ADAMTS17: variants seen among roughly 807,000 people sequenced by gnomAD.
The protein encoded by ADAMTS17 is ADAM metallopeptidase with thrombospondin type 1 motif 17.
A neutral mutation model predicts 141.5 loss-of-function variants in ADAMTS17; 113 were observed. The observed-to-expected ratio is 0.80, with a 90% CI of 0.69 to 0.93. ADAMTS17 has a LOEUF of 0.93. Among genes scored for constraint, ADAMTS17 ranks in the 40% least tolerant of loss-of-function variants. ADAMTS17 has a pLI of 0.00. For synonymous variants in ADAMTS17, 768 were observed against 630.6 expected (o/e 1.22, Z -3.27); for missense variants, 1,659 against 1,517.9 (o/e 1.09, Z -1.54).
intron 12 of ADAMTS17, among the ~76,000 whole-genome samples, chr15:100,120,191 G>A (rs1413957728): frequency 6.6e-6 from 1 of 152,164 alleles, no homozygotes. Context: ...AATCACACTG[G>A]CAAAAACTAC....
At chr15:100,048,043 G>A (rs1214873974) in intron 18 of ADAMTS17, among the ~76,000 whole-genome samples, 2 of 152,134 alleles carry the variant, frequency 1.3e-5, no homozygotes, top group East Asian at 1.9e-4. Context: ...AAGGGGGTCG[G>A]TGCAAAAGCC....
rs543729005 is a variant in ADAMTS17 at position 100,163,674 on chromosome 15, T to C, written c.1182-8354A>G. On this transcript the variant is annotated intron_variant, in intron 8 of 21. Coordinates refer to ENST00000268070, the MANE Select transcript of ADAMTS17 (RefSeq NM_139057.4). ...CTAGTGAAGTTTAAATTCTATCTGA[T>C]GCTCTAAGAAATGGCTGCTGTTTCC... Among the ~76,000 whole-genome samples, 48 of 152,284 alleles carry C rather than the reference T, an allele frequency of 3.2e-4. 1 individual carries two copies. In the South Asian group the frequency reaches 9.7e-3, roughly 31 times the overall value.
rs187142685 is a variant in ADAMTS17, at chr15:100,008,292, G to A, written c.2592-10703C>T. Among the ~76,000 whole-genome samples the A allele has an allele frequency of 2.6e-5, 4 of 152,230 alleles. No homozygotes were observed. In the East Asian group the frequency reaches 7.7e-4, roughly 29 times the overall value. On this transcript the variant is annotated intron_variant, in intron 18 of 21. Coordinates refer to ENST00000268070, the MANE Select transcript of ADAMTS17 (RefSeq NM_139057.4). ...CCTCTGGCCTAGTGTACTGTGTGAG[G>A]AAGAGGAGAGGACAAGGGGATTTCT...
chr15:100,341,699 CCTCCG>C, intron 1 of ADAMTS17, 117 bp downstream of exon 1: 1 of 1,292,852 alleles, frequency 7.7e-7, no homozygotes, highest in Non-Finnish European at 1.0e-6. Context: ...GCCCGCGCCT[CCTCCG>C]CTCGGGCGCC....
chr15:100,110,196 T>TAC (rs529036262), intron 13 of ADAMTS17, among the ~76,000 whole-genome samples: 4,200 of 143,264 alleles, frequency 0.029, 223 homozygotes, highest in African/African-American at 0.11. Flanking sequence ...TATACTGATA[T>TAC]ATATATATCA....
intron 19 of ADAMTS17, among the ~76,000 whole-genome samples, chr15:99,994,742 T>G (rs1023904478): frequency 2.0e-5 from 3 of 152,158 alleles, no homozygotes; most frequent in African/African-American, 7.2e-5. Flanking sequence ...AATTTTTGTA[T>G]TTTTAGTAGA....
At chr15:100,229,799 G>C (rs1567394622) in intron 7 of ADAMTS17, among the ~76,000 whole-genome samples, 1 of 152,214 alleles carries the variant, frequency 6.6e-6, no homozygotes, top group Non-Finnish European at 1.5e-5. Context: ...TGTAGACAGA[G>C]AACGCAAGGG....
chr15:100,206,631 T>C (rs552363982), intron 7 of ADAMTS17, among the ~76,000 whole-genome samples: 44 of 152,022 alleles, frequency 2.9e-4, no homozygotes, highest in African/African-American at 9.6e-4. Context: ...AAAGCTGGGG[T>C]TTTAGGTGGG....
intron 3 of ADAMTS17, among the ~76,000 whole-genome samples, chr15:100,297,870 G>A (rs1476000171): frequency 6.6e-6 from 1 of 152,138 alleles, no homozygotes; most frequent in African/African-American, 2.4e-5. Context: ...ACACTACAGA[G>A]ACAGAGACAA....
chr15:100,164,849 C>T (rs2039884637), intron 8 of ADAMTS17, among the ~76,000 whole-genome samples: 1 of 152,196 alleles, frequency 6.6e-6, no homozygotes, highest in Non-Finnish European at 1.5e-5. Flanking sequence ...GCCCACTGTT[C>T]TTGGTAAGTG....
At chr15:100,041,838 GA>G (rs1274539938) in intron 18 of ADAMTS17, among the ~76,000 whole-genome samples, 1 of 152,100 alleles carries the variant, frequency 6.6e-6, no homozygotes, top group Non-Finnish European at 1.5e-5. Flanking sequence ...GAACTCAATG[GA>G]AAAAGGGTTG....
chr15:99,979,123 G>C (rs1179864292), intron 20 of ADAMTS17: 1 of 152,310 alleles, frequency 6.6e-6, no homozygotes, highest in Non-Finnish European at 1.5e-5. Flanking sequence ...AGGTGCGGTG[G>C]CTCACGCCTG....
At chr15:100,180,286 A>G (rs544993194) in intron 8 of ADAMTS17, among the ~76,000 whole-genome samples, 85 of 152,234 alleles carry the variant, frequency 5.6e-4, no homozygotes, top group African/African-American at 1.4e-3. Context: ...CCTTTCCCCA[A>G]CGTATGTTCT....
At chr15:100,249,782 C>T (rs562096332) in intron 7 of ADAMTS17, among the ~76,000 whole-genome samples, 75 of 152,292 alleles carry the variant, frequency 4.9e-4, no homozygotes, top group African/African-American at 1.7e-3. Context: ...AACCTCGCAG[C>T]GCCTCAGAGT....
intron 15 of ADAMTS17, among the ~76,000 whole-genome samples, chr15:100,078,868 C>G (rs56745742): frequency 6.6e-6 from 1 of 152,090 alleles, no homozygotes; most frequent in Non-Finnish European, 1.5e-5. Context: ...TGCAGCTCGA[C>G]AAGAAAATGA....
intron 18 of ADAMTS17, among the ~76,000 whole-genome samples, chr15:100,001,994 CAAAAAAAAAA>C (rs71151931): frequency 1.7e-5 from 1 of 58,384 alleles, no homozygotes; most frequent in African/African-American, 6.1e-5. Flanking sequence ...AGGCCAAACC[CAAAAAAAAAA>C]AAAAAAAAAA....
At chr15:100,307,155 A>G (rs11247185) in intron 3 of ADAMTS17, among the ~76,000 whole-genome samples, 76,296 of 152,096 alleles carry the variant, frequency 0.5, 19,409 homozygotes, top group South Asian at 0.64. Flanking sequence ...GGACCACACC[A>G]AACCAATGAA....
chr15:100,119,124 G>C (rs3943259), intron 12 of ADAMTS17, among the ~76,000 whole-genome samples: 49,689 of 151,260 alleles, frequency 0.33, 9,336 homozygotes, highest in East Asian at 0.52. Context: ...CAGAAGCTGA[G>C]AGAGAGGCCT....
At chr15:100,295,677 T>C (rs2044784182) in intron 3 of ADAMTS17, among the ~76,000 whole-genome samples, 1 of 152,208 alleles carries the variant, frequency 6.6e-6, no homozygotes, top group South Asian at 2.1e-4. Flanking sequence ...TCTCCTGGGT[T>C]ATATCAGCTT....
Sources: allele counts gnomAD v4.1 joint callset (sites outside exome capture counted in the v4.1 genomes callset), GRCh38; gene constraint gnomAD v4.1.1; transcripts MANE v1.5; gene names NCBI Gene and HGNC (gene_info 2026-07-23, HGNC 2026-07-21).